Variants in MINDY4B observed in about 807,000 individuals in gnomAD.
MINDY4B encodes inactive ubiquitin carboxyl-terminal hydrolase MINDY-4B.
Under a neutral mutation model 16.7 loss-of-function variants are expected in MINDY4B, and 25 were observed. That is an observed-to-expected ratio of 1.49 (90% CI 1.09 to 2.09). MINDY4B has a LOEUF of 2.09. Ranked by LOEUF, MINDY4B falls within the 30% of genes most tolerant of loss-of-function variation. MINDY4B has a pLI of 0.00. For synonymous variants in MINDY4B, 132 were observed against 61.9 expected, an observed-to-expected ratio of 2.13 and a Z score of -5.32; for missense variants, 327 against 168.4, an observed-to-expected ratio of 1.94 and a Z score of -5.21.
intron 6 of MINDY4B, 135 bp from the exon 7 acceptor site, chr3:150,890,520 A>G (rs1322829545): frequency 4.1e-6 from 2 of 490,716 alleles, no homozygotes; most frequent in Non-Finnish European, 7.2e-6. Flanking sequence ...CTGACATACT[A>G]TCTTATGCAA....
chr3:150,893,265 T>G (rs1176349912), intron 5 of MINDY4B, 59 bp downstream of exon 5: 2 of 699,968 alleles, frequency 2.9e-6, no homozygotes, highest in African/African-American at 3.5e-5. Context: ...TTATGATTAT[T>G]TAGCATATCA....
Position 150,890,339 on chromosome 3 carries a change from A to G in MINDY4B, c.734T>C (p.Ile245Thr). Reference sequence around the variant, plus strand: ...ACTTACACATAGTAAGTGATCGTAGATGAATTTCTCAGCGGCTTCTTTCTC... The same window carrying G: ...ACTTACACATAGTAAGTGATCGTAGGTGAATTTCTCAGCGGCTTCTTTCTC... ...FLEKEAAEKF[I>T]YDHLLCFRGE... is the part of the protein sequence containing the mutation. The change falls in exon 7 of 12, where the codon ATC becomes ACC. Residue 245 changes from isoleucine to threonine, a missense_variant. Ile to Thr is a moderately conservative substitution (Grantham distance 89, BLOSUM62 -1). Coordinates refer to ENST00000465419, the MANE Select transcript of MINDY4B (RefSeq NM_001351281.2). 1.6e-6 allele frequency: 1 copy of G among 633,446 alleles called. No individual in the cohort carries two copies. The allele number at this position is 633,446 out of a possible 1,614,324, so 39.2% of individuals were successfully genotyped here.
chr3:150,879,768 T>C (rs1711505749), intron 10 of MINDY4B, among the ~76,000 whole-genome samples: 1 of 152,176 alleles, frequency 6.6e-6, no homozygotes, highest in Non-Finnish European at 1.5e-5. Context: ...GGGGATGACC[T>C]GGGCATTGAT....
At chr3:150,882,576 A>G (rs376569539) in intron 10 of MINDY4B, among the ~76,000 whole-genome samples, 28 of 8,842 alleles carry the variant, frequency 3.2e-3, no homozygotes, top group African/African-American at 9.5e-3. Flanking sequence ...ATATATATAT[A>G]TATATATATA....
At chr3:150,874,452 AG>A (rs60291111) in intron 10 of MINDY4B, among the ~76,000 whole-genome samples, 47 of 152,342 alleles carry the variant, frequency 3.1e-4, no homozygotes, top group African/African-American at 1.1e-3. Flanking sequence ...TTACACAGGC[AG>A]GGAAGCACAT....
Position 150,891,068 on chromosome 3 carries a change from G to C in MINDY4B, c.557C>G (p.Ala186Gly), listed in dbSNP as rs1191731109. 1 of 702,746 alleles carries C rather than the reference G, an allele frequency of 1.4e-6. No homozygotes were observed. Among genetic ancestry groups the C allele is most frequent in the Non-Finnish European group, 2.6e-6 (1 of 384,784 alleles). The allele number at this position is 702,746 out of a possible 1,614,324, so 43.5% of individuals were successfully genotyped here. The change falls in exon 6 of 12, where the codon GCC becomes GGC. Residue 186 changes from alanine to glycine, a missense_variant. Physicochemically the swap from Ala to Gly is moderately conservative, Grantham distance 60 (BLOSUM62 0). Transcript: ENST00000465419. ...CEISKKEQEQALAAALAGILW... is the reference protein window; with the variant it reads ...CEISKKEQEQGLAAALAGILW... ...GATGCCAGCAAGCGCCGCGGCCAAG[G>C]CTTGCTCCTGCTCCTTCTTGCTTAT... is the stretch of plus-strand genomic sequence containing the variant.
At chr3:150,896,096 T>C (rs1181606950) in intron 3 of MINDY4B, among the ~76,000 whole-genome samples, 1 of 152,154 alleles carries the variant, frequency 6.6e-6, no homozygotes, top group Non-Finnish European at 1.5e-5. Flanking sequence ...CTTTGTTGAA[T>C]TGGGTTAATT....
intron 4 of MINDY4B, 94 bp downstream of exon 4, chr3:150,894,092 T>C (rs1711895918): frequency 7.2e-6 from 4 of 554,478 alleles, no homozygotes; most frequent in Non-Finnish European, 1.3e-5. Context: ...ATGATTATAA[T>C]GAAGACATGC....
At chr3:150,885,583 T>C in intron 7 of MINDY4B, 145 bp from the exon 8 acceptor site, 3 of 623,502 alleles carry the variant, frequency 4.8e-6, no homozygotes, top group East Asian at 2.7e-5. Flanking sequence ...CCTCCATAAG[T>C]CTTCCTACTC....
chr3:150,872,093 C>G (rs1433039263), intron 11 of MINDY4B, among the ~76,000 whole-genome samples: 1 of 152,160 alleles, frequency 6.6e-6, no homozygotes, highest in Non-Finnish European at 1.5e-5. Flanking sequence ...TAGTACTTAC[C>G]TCATGTGACT....
intron 3 of MINDY4B, among the ~76,000 whole-genome samples, chr3:150,900,404 A>T (rs1712087395): frequency 6.6e-6 from 1 of 152,220 alleles, no homozygotes; most frequent in Non-Finnish European, 1.5e-5. Flanking sequence ...TGACAACAAA[A>T]GGATTTCTGG....
At chr3:150,904,546 A>G (rs911745732) in intron 2 of MINDY4B, among the ~76,000 whole-genome samples, 1 of 152,212 alleles carries the variant, frequency 6.6e-6, no homozygotes, top group Admixed American at 6.5e-5. Flanking sequence ...TACAAAGTCC[A>G]TTACCTTCTA....
chr3:150,873,018 A>G (rs1023513466), intron 11 of MINDY4B, among the ~76,000 whole-genome samples, 169 bp downstream of exon 11: 29 of 152,156 alleles, frequency 1.9e-4, no homozygotes, highest in African/African-American at 6.3e-4. Context: ...CCACATTGCA[A>G]TACTTGGGTT....
At chr3:150,889,910 T>A (rs1336077995) in intron 7 of MINDY4B, among the ~76,000 whole-genome samples, 1 of 152,204 alleles carries the variant, frequency 6.6e-6, no homozygotes, top group Non-Finnish European at 1.5e-5. Context: ...ACAGGACCTT[T>A]TCAAGAAGCC....
chr3:150,882,484 C>G (rs1711536917), intron 10 of MINDY4B, among the ~76,000 whole-genome samples: 1 of 58,830 alleles, frequency 1.7e-5, no homozygotes. Flanking sequence ...CACCCATCAA[C>G]TGCTAACAGT....
At chr3:150,882,804 AG>A (rs1711542444) in intron 10 of MINDY4B, 92 bp downstream of exon 10, 1 of 523,534 alleles carries the variant, frequency 1.9e-6, no homozygotes, top group Non-Finnish European at 3.5e-6. Context: ...GGGAGAAAGT[AG>A]GCTCGGGTTT....
In MINDY4B at chr3:150,890,319, C is replaced by G. The variant is rs1319374047; in HGVS notation, c.753+1G>C. 1 of 601,752 alleles carries G rather than the reference C, an allele frequency of 1.7e-6. No individual in the cohort carries two copies. Among genetic ancestry groups the G allele is most frequent in the South Asian group, 2.0e-5 (1 of 50,502 alleles). The allele number at this position is 601,752 out of a possible 1,614,324, so 37.3% of individuals were successfully genotyped here. A position where few individuals can be genotyped will look rare whatever the true frequency, so the allele number is the denominator to read the frequency against. On this transcript the variant is annotated splice_donor_variant, in intron 7 of 11. Transcript: ENST00000465419. LOFTEE classifies it high-confidence loss of function. ...AATTATCTCAACACTTAAACACTTA[C>G]ACATAGTAAGTGATCGTAGATGAAT...
chr3:150,871,978 G>C (rs992647516), intron 11 of MINDY4B, among the ~76,000 whole-genome samples: 6 of 152,326 alleles, frequency 3.9e-5, no homozygotes, highest in African/African-American at 1.2e-4. Context: ...ATATTAGCCA[G>C]GTGACACTTA....
chr3:150,900,799 A>G (rs564087180), intron 3 of MINDY4B, among the ~76,000 whole-genome samples: 17 of 152,326 alleles, frequency 1.1e-4, no homozygotes, highest in African/African-American at 3.8e-4. Flanking sequence ...GTGTTTGTAG[A>G]TAAGTGGGAA....
Sources: gnomAD v4.1 joint callset for allele counts (sites outside exome capture counted in the v4.1 genomes callset) on GRCh38, gnomAD v4.1.1 for gene constraint, MANE v1.5 for transcripts, NCBI Gene and HGNC (gene_info 2026-07-23, HGNC 2026-07-21) for gene names.